SEPTIN7: variants seen among roughly 807,000 people sequenced by gnomAD.
SEPTIN7 encodes the protein septin-7.
A neutral mutation model predicts 63.3 loss-of-function variants in SEPTIN7; 10 were observed. The observed-to-expected ratio is 0.16, with a 90% CI of 0.10 to 0.27. The LOEUF (loss-of-function observed/expected upper bound fraction) is 0.27. Ranked by LOEUF, SEPTIN7 falls within the 10% of genes least tolerant of loss-of-function variation. SEPTIN7 has a pLI of 1.00. For missense variants in SEPTIN7, 310 were observed against 521.0 expected (o/e 0.59, Z 3.94); for synonymous variants, 131 against 165.3 (o/e 0.79, Z 1.59).
intron 4 of SEPTIN7, 73 bp from the exon 5 acceptor site, chr7:35,872,593 C>G: frequency 8.8e-7 from 1 of 1,141,892 alleles, no homozygotes; most frequent in Non-Finnish European, 1.3e-6. Context: ...CTCGAACGTC[C>G]CTACCATCAC....
chr7:35,862,698 T>A (rs1359719414), intron 3 of SEPTIN7, among the ~76,000 whole-genome samples: 1 of 152,158 alleles, frequency 6.6e-6, no homozygotes, highest in African/African-American at 2.4e-5. Context: ...TATTGTGACA[T>A]CAGTTACTTA....
rs1562595474 is a variant in SEPTIN7 at position 35,904,525 on chromosome 7, CT to C, written c.*239del. On this transcript the variant is annotated 3_prime_UTR_variant, in exon 14 of 14. Coordinates refer to ENST00000350320, the MANE Select transcript of SEPTIN7 (RefSeq NM_001788.6). ...GCTCTAAGTACCTTTCCTACATTTT[CT>C]TTTTTTATTAAACAGATATCTTCAG... The C allele has an allele frequency of 2.9e-6, 1 of 348,446 alleles. No individual in the cohort carries two copies. 21.6% of individuals were successfully genotyped at this position (348,446 alleles called of 1,614,324 possible). A position where few individuals can be genotyped will look rare whatever the true frequency, so the allele number is the denominator to read the frequency against.
intron 3 of SEPTIN7, among the ~76,000 whole-genome samples, chr7:35,837,143 ATAAAGT>A (rs1784122065): frequency 6.6e-6 from 1 of 152,224 alleles, no homozygotes; most frequent in African/African-American, 2.4e-5. Flanking sequence ...CACTTAAAAA[ATAAAGT>A]TAATATATTT....
chr7:35,861,621 TG>T (rs1785514499), intron 3 of SEPTIN7, among the ~76,000 whole-genome samples: 2 of 152,204 alleles, frequency 1.3e-5, no homozygotes, highest in African/African-American at 4.8e-5. Context: ...GATACTCAGA[TG>T]GTCTATTGTA....
chr7:35,863,107 G>C lies in SEPTIN7; in HGVS notation c.170-445G>C, dbSNP rs534891117. On this transcript the variant is annotated intron_variant, in intron 3 of 13. Coordinates refer to ENST00000350320, the MANE Select transcript of SEPTIN7 (RefSeq NM_001788.6). The stretch of plus-strand genomic sequence containing the variant: ...AGAATTTTATACGGAGATGTTCATT[G>C]TGATTAATTCTTTGTATTAGCAGAT... Among the ~76,000 whole-genome samples the C allele has an allele frequency of 2.3e-4, 35 of 150,376 alleles. 1 individual carries two copies. Among genetic ancestry groups the C allele is most frequent in the Non-Finnish European group, 4.0e-4 (27 of 66,674 alleles).
intron 3 of SEPTIN7, among the ~76,000 whole-genome samples, chr7:35,861,465 C>G (rs1376625015): frequency 6.6e-6 from 1 of 152,160 alleles, no homozygotes; most frequent in East Asian, 1.9e-4. Context: ...TGAGCATGCC[C>G]TTAACGTAGT....
chr7:35,901,082 C>T (rs1788293706), intron 12 of SEPTIN7: 3 of 152,128 alleles, frequency 2.0e-5, no homozygotes, highest in South Asian at 4.1e-4. Context: ...TACAGTCTCT[C>T]CTTAAATCCA....
intron 7 of SEPTIN7, among the ~76,000 whole-genome samples, chr7:35,880,962 G>A (rs1448167311): frequency 6.6e-6 from 1 of 152,028 alleles, no homozygotes; most frequent in Non-Finnish European, 1.5e-5. Context: ...CCAAAGGCCA[G>A]TAGTATATTG....
At chr7:35,857,066 C>G (rs936683882) in intron 3 of SEPTIN7, among the ~76,000 whole-genome samples, 1 of 152,082 alleles carries the variant, frequency 6.6e-6, no homozygotes, top group African/African-American at 2.4e-5. Flanking sequence ...CAGTCAATTA[C>G]ATTTTGATTA....
intron 3 of SEPTIN7, among the ~76,000 whole-genome samples, chr7:35,837,255 G>A (rs1337196637): frequency 2.6e-5 from 4 of 152,136 alleles, no homozygotes; most frequent in Non-Finnish European, 5.9e-5. Context: ...GGAACATTTA[G>A]TATTCTTATG....
intron 4 of SEPTIN7, among the ~76,000 whole-genome samples, chr7:35,867,188 T>C (rs1785854974): frequency 6.6e-6 from 1 of 152,074 alleles, no homozygotes; most frequent in African/African-American, 2.4e-5. Context: ...TTGATGAAAA[T>C]GAAGTGAAAA....
chr7:35,908,324 C>T (rs570979546), downstream of SEPTIN7, among the ~76,000 whole-genome samples: 2 of 152,230 alleles, frequency 1.3e-5, no homozygotes, highest in Non-Finnish European at 1.5e-5. Flanking sequence ...CTTTAGAAGA[C>T]TTTGAAAGCT....
intron 1 of SEPTIN7, 144 bp downstream of exon 1, chr7:35,801,414 G>A (rs1287636827): frequency 6.8e-6 from 7 of 1,034,722 alleles, no homozygotes; most frequent in Admixed American, 4.1e-5. Flanking sequence ...GCCACTGCGG[G>A]CCCGGGGCGC....
At chr7:35,803,131 T>C (rs887455265) in intron 1 of SEPTIN7, 59 of 961,192 alleles carry the variant, frequency 6.1e-5, no homozygotes, top group Non-Finnish European at 7.1e-5. Flanking sequence ...GATATTGTCT[T>C]TTTCTAATGT....
intron 10 of SEPTIN7, among the ~76,000 whole-genome samples, chr7:35,886,506 G>C (rs1294431121): frequency 6.6e-6 from 1 of 152,118 alleles, no homozygotes; most frequent in Non-Finnish European, 1.5e-5. Context: ...AAGTGTAATA[G>C]GACTAGAGAT....
chr7:35,888,967 G>A (rs1787463956), intron 10 of SEPTIN7: 1 of 253,008 alleles, frequency 4.0e-6, no homozygotes, highest in Non-Finnish European at 8.3e-6. Flanking sequence ...CTTGAGTTAT[G>A]AATTCTGTTA....
chr7:35,915,046 T>C, the SEPTIN7 span, among the ~76,000 whole-genome samples: 1 of 151,734 alleles, frequency 6.6e-6, no homozygotes, highest in Non-Finnish European at 1.5e-5. Flanking sequence ...CATATATGTA[T>C]ATATGTATAT....
At chr7:35,818,603 T>C (rs1789230243) in intron 1 of SEPTIN7, among the ~76,000 whole-genome samples, 1 of 151,994 alleles carries the variant, frequency 6.6e-6, no homozygotes, top group South Asian at 2.1e-4. Flanking sequence ...AAGTTGTGTT[T>C]TTGCCTTTTT....
chr7:35,841,708 G>T (rs1364081268), intron 3 of SEPTIN7, among the ~76,000 whole-genome samples: 1 of 152,210 alleles, frequency 6.6e-6, no homozygotes, highest in Non-Finnish European at 1.5e-5. Context: ...TATTTTAAAA[G>T]AACTCAGTAC....
Sources: gnomAD v4.1 joint callset for allele counts (sites outside exome capture counted in the v4.1 genomes callset) on GRCh38, gnomAD v4.1.1 for gene constraint, MANE v1.5 for transcripts, NCBI Gene and HGNC (gene_info 2026-07-23, HGNC 2026-07-21) for gene names.